Variants in DPP10 observed in about 807,000 individuals in gnomAD.
DPP10 encodes dipeptidyl peptidase like 10.
Under a neutral mutation model 120.9 loss-of-function variants are expected in DPP10, and 33 were observed. The ratio of observed to expected loss-of-function variants is 0.27; its 90% CI spans 0.21 to 0.37. The LOEUF (loss-of-function observed/expected upper bound fraction) is 0.37, where lower values mean the gene tolerates loss of function less well. Ranked by LOEUF, DPP10 falls within the 10% of genes least tolerant of loss-of-function variation. DPP10 has a pLI of 1.00. For synonymous variants in DPP10, 337 were observed against 326.1 expected, an observed-to-expected ratio of 1.03 and a Z score of -0.36; for missense variants, 816 against 942.8, an observed-to-expected ratio of 0.87 and a Z score of 1.76.
chr2:114,958,602 A>C (rs559406143), intron 1 of DPP10, among the ~76,000 whole-genome samples: 1 of 152,344 alleles, frequency 6.6e-6, no homozygotes. Context: ...ATCATTCTAT[A>C]ATGTAAGCAT....
At chr2:115,631,705 A>T (rs1372715454) in intron 5 of DPP10, among the ~76,000 whole-genome samples, 2 of 152,082 alleles carry the variant, frequency 1.3e-5, no homozygotes, top group Admixed American at 6.6e-5. Flanking sequence ...TTCAATTTTC[A>T]TGTAGTTGTG....
chr2:115,272,933 C>T (rs1479355280), intron 1 of DPP10, among the ~76,000 whole-genome samples: 1 of 152,198 alleles, frequency 6.6e-6, no homozygotes, highest in Non-Finnish European at 1.5e-5. Context: ...TTACTTCAAT[C>T]AGATGTGAAG....
chr2:115,063,764 A>T (rs1222815101), intron 1 of DPP10, among the ~76,000 whole-genome samples: 1 of 152,146 alleles, frequency 6.6e-6, no homozygotes, highest in Non-Finnish European at 1.5e-5. Context: ...ACAAAAATTA[A>T]CTCAAGATGG....
intron 1 of DPP10, among the ~76,000 whole-genome samples, chr2:115,167,604 C>CAAA (rs59031977): frequency 2.9e-4 from 14 of 48,460 alleles, no homozygotes; most frequent in Admixed American, 4.3e-4. Flanking sequence ...GAGACCGTCT[C>CAAA]AAAAAAAAAA....
intron 5 of DPP10, among the ~76,000 whole-genome samples, chr2:115,632,539 G>T (rs1256476588): frequency 1.3e-5 from 2 of 152,062 alleles, no homozygotes; most frequent in East Asian, 3.9e-4. Flanking sequence ...AGGCATGATG[G>T]TGACGAATTC....
intron 1 of DPP10, among the ~76,000 whole-genome samples, chr2:114,858,549 T>C (rs1208415098): frequency 2.0e-5 from 3 of 152,180 alleles, no homozygotes; most frequent in Non-Finnish European, 4.4e-5. Flanking sequence ...AGGCTGAGCA[T>C]TTTCTTTTAA....
chr2:115,691,068 A>G (rs2149500603), intron 7 of DPP10, among the ~76,000 whole-genome samples: 1 of 152,152 alleles, frequency 6.6e-6, no homozygotes, highest in East Asian at 1.9e-4. Flanking sequence ...GTATTTTTTC[A>G]TATGTGAAAT....
At chr2:115,620,294 A>G (rs1221723742) in intron 5 of DPP10, among the ~76,000 whole-genome samples, 2 of 152,232 alleles carry the variant, frequency 1.3e-5, no homozygotes, top group Non-Finnish European at 1.5e-5. Flanking sequence ...TTATGAGAGT[A>G]CAGTGAATGT....
intron 1 of DPP10, among the ~76,000 whole-genome samples, chr2:114,747,047 G>A (rs1431388971): frequency 6.6e-6 from 1 of 152,256 alleles, no homozygotes; most frequent in East Asian, 1.9e-4. Flanking sequence ...AGTTCTGAAT[G>A]ATGTACTGTG....
chr2:114,935,859 G>A (rs1321619749), intron 1 of DPP10, among the ~76,000 whole-genome samples: 2 of 141,836 alleles, frequency 1.4e-5, no homozygotes, highest in East Asian at 2.1e-4. Flanking sequence ...CTAAAAAACT[G>A]AAGGTTTTTT....
chr2:115,654,807 C>T (rs76213817), intron 5 of DPP10, among the ~76,000 whole-genome samples: 10 of 151,686 alleles, frequency 6.6e-5, no homozygotes, highest in East Asian at 1.9e-4. Flanking sequence ...AGACAGCAGA[C>T]GGCAAAGGAG....
intron 21 of DPP10, among the ~76,000 whole-genome samples, chr2:115,818,433 GTACACATAAATAAGCATA>G: frequency 6.6e-6 from 1 of 152,238 alleles, no homozygotes; most frequent in South Asian, 2.1e-4. Context: ...TCTGCTTACT[GTACACATAAATAAGCATA>G]AAGGACCAAA....
chr2:115,716,608 ACATGGG>A (rs2092502041), intron 7 of DPP10, among the ~76,000 whole-genome samples: 1 of 152,172 alleles, frequency 6.6e-6, no homozygotes, highest in South Asian at 2.1e-4. Flanking sequence ...TTAATTCTGG[ACATGGG>A]CATTTTGGAA....
chr2:114,963,844 T>C (rs543032734), intron 1 of DPP10, among the ~76,000 whole-genome samples: 13 of 152,272 alleles, frequency 8.5e-5, no homozygotes, highest in African/African-American at 3.1e-4. Flanking sequence ...AGTGAAGTCT[T>C]TGAAGCACAC....
intron 1 of DPP10, among the ~76,000 whole-genome samples, chr2:115,259,946 A>G (rs1347063293): frequency 1.3e-5 from 2 of 151,836 alleles, no homozygotes; most frequent in East Asian, 1.9e-4. Context: ...TCAGTCGGTC[A>G]TATGTTTCTT....
chr2:114,535,418 G>C lies in DPP10; in HGVS notation c.60+92580G>C, dbSNP rs140842748. On this transcript the variant is annotated intron_variant, in intron 1 of 25. Coordinates refer to ENST00000410059, the MANE Select transcript of DPP10 (RefSeq NM_020868.6). ...GAAAATAAGGCCATCTCTCTACCTC[G>C]TAATTTCCTTTTTTCCCTCTAGGTT... 8.5e-5 allele frequency among the ~76,000 whole-genome samples: 13 copies of C among 152,208 alleles called. No homozygotes were observed. In the South Asian group the frequency reaches 2.3e-3, roughly 27 times the overall value.
At chr2:115,521,633 A>G (rs2077818931) in intron 4 of DPP10, among the ~76,000 whole-genome samples, 3 of 149,606 alleles carry the variant, frequency 2.0e-5, no homozygotes, top group Non-Finnish European at 3.0e-5. Flanking sequence ...TTTATTCACA[A>G]TCTCCCCTGT....
At chr2:115,257,921 A>T (rs2059078460) in intron 1 of DPP10, among the ~76,000 whole-genome samples, 1 of 152,030 alleles carries the variant, frequency 6.6e-6, no homozygotes, top group African/African-American at 2.4e-5. Flanking sequence ...TTTTTTTGTT[A>T]AGAGAAGGAT....
rs1244491850 is a variant in DPP10, at chr2:115,499,546, T to C, written c.308T>C (p.Val103Ala). 6.2e-7 allele frequency: 1 copy of C among 1,612,040 alleles called. No individual in the cohort carries two copies. Among genetic ancestry groups the C allele is most frequent in the Admixed American group, 1.7e-5 (1 of 59,804 alleles). ...GTGTATAAAAGCGAGAATGGACATG[T>C]CATTAAACTGAATATAGAAACAAAT... is the stretch of plus-strand genomic sequence containing the variant. ...DVVYKSENGH[V>A]IKLNIETNAT... The change falls in exon 4 of 26, where the codon GTC becomes GCC. Residue 103 changes from valine to alanine, a missense_variant. Physicochemically the swap from Val to Ala is moderately conservative, Grantham distance 64 (BLOSUM62 0). Transcript: ENST00000410059.
Sources: gnomAD v4.1 joint callset for allele counts (sites outside exome capture counted in the v4.1 genomes callset) on GRCh38, gnomAD v4.1.1 for gene constraint, MANE v1.5 for transcripts, NCBI Gene and HGNC (gene_info 2026-07-23, HGNC 2026-07-21) for gene names.